The following SRSF11 variants were observed in gnomAD, a reference collection of about 807,000 sequenced individuals.
SRSF11 encodes serine and arginine rich splicing factor 11, also known as serine/arginine-rich splicing factor 11.
A neutral mutation model predicts 56.0 loss-of-function variants in SRSF11; 9 were observed. The observed-to-expected ratio is 0.16, with a 90% CI of 0.10 to 0.28. The LOEUF is 0.28. Ranked by LOEUF, SRSF11 falls within the 10% of genes least tolerant of loss-of-function variation. The probability of loss-of-function intolerance (pLI) is 1.00; values close to 1 mark genes in which losing one functional copy is unlikely to be tolerated. For synonymous variants in SRSF11, 222 were observed against 215.3 expected (o/e 1.03, Z -0.27); for missense variants, 421 against 600.7 (o/e 0.70, Z 3.13).
intron 1 of SRSF11, among the ~76,000 whole-genome samples, chr1:70,208,914 T>C (rs543232660): frequency 4.0e-4 from 61 of 152,334 alleles, no homozygotes; most frequent in Admixed American, 1.4e-3. Context: ...TTAGAAAAAT[T>C]GACTTTATAT....
At chr1:70,227,808 A>C (rs1672125304) in intron 1 of SRSF11, among the ~76,000 whole-genome samples, 1 of 152,188 alleles carries the variant, frequency 6.6e-6, no homozygotes, top group African/African-American at 2.4e-5. Context: ...CACTAGTGGA[A>C]CGTAGTACTA....
rs1048910192 is a variant in SRSF11 at position 70,231,254 on chromosome 1, A to T, written c.338-1014A>T. 2.8e-5 allele frequency: 33 copies of T among 1,197,410 alleles called. No individual in the cohort carries two copies. In the African/African-American group the frequency reaches 5.0e-4, roughly 18 times the overall value. 74.2% of individuals were successfully genotyped at this position (1,197,410 alleles called of 1,614,324 possible). ...TCTTAATATGTATTACAGAAATACT[A>T]CTGGTATTTGCAAATATGTAGTTTA... On this transcript the variant is annotated intron_variant, in intron 2 of 11. Transcript: ENST00000370949.
At chr1:70,235,788 T>C (rs1212398379) in intron 5 of SRSF11, among the ~76,000 whole-genome samples, 4 of 152,228 alleles carry the variant, frequency 2.6e-5, no homozygotes, top group African/African-American at 7.2e-5. Flanking sequence ...ACCTGGATGA[T>C]AGCAAAAGAG....
At chr1:70,226,989 G>T (rs888216350) in intron 1 of SRSF11, among the ~76,000 whole-genome samples, 2 of 152,166 alleles carry the variant, frequency 1.3e-5, no homozygotes, top group Admixed American at 1.3e-4. Flanking sequence ...TAACTTGCTT[G>T]TGGATATCCT....
chr1:70,237,964 T>C (rs952252275), intron 6 of SRSF11, among the ~76,000 whole-genome samples: 1 of 152,236 alleles, frequency 6.6e-6, no homozygotes, highest in African/African-American at 2.4e-5. Context: ...TTTAAAATGA[T>C]ATTTCTTTAA....
At chr1:70,232,149 C>G in intron 2 of SRSF11, 119 bp from the exon 3 acceptor site, 1 of 1,565,816 alleles carries the variant, frequency 6.4e-7, no homozygotes, top group South Asian at 1.2e-5. Context: ...TGTATTTTAG[C>G]GAACATAAGT....
intron 2 of SRSF11, chr1:70,232,035 C>A (rs952873905): frequency 6.6e-7 from 1 of 1,516,554 alleles, no homozygotes; most frequent in Admixed American, 2.2e-5. Flanking sequence ...TTTTTTTTTA[C>A]TCTAGAAACT....
At chr1:70,215,764 T>C (rs955187988) in intron 1 of SRSF11, among the ~76,000 whole-genome samples, 1 of 152,184 alleles carries the variant, frequency 6.6e-6, no homozygotes, top group African/African-American at 2.4e-5. Flanking sequence ...GTAGCGGGAT[T>C]ATGCATACCT....
At chr1:70,238,267 G>A (rs1333659774) in intron 6 of SRSF11, among the ~76,000 whole-genome samples, 2 of 152,148 alleles carry the variant, frequency 1.3e-5, no homozygotes, top group Non-Finnish European at 2.9e-5. Context: ...CTTTTAGATA[G>A]CACAGCCGGG....
Position 70,228,999 on chromosome 1 carries a change from A to G in SRSF11, c.337+444A>G, listed in dbSNP as rs63726761. ...AAGCTTCCTCACATTGATAATCTGG[A>G]AAAAAAAAAAACACATTGAATTTCA... On this transcript the variant is annotated intron_variant, in intron 2 of 11. Transcript: ENST00000370949. 29 of 446,642 alleles carry G rather than the reference A, an allele frequency of 6.5e-5. No individual in the cohort carries two copies. In the East Asian group the frequency reaches 7.0e-3, roughly 108 times the overall value. 27.7% of individuals were successfully genotyped at this position (446,642 alleles called of 1,614,324 possible). A position where few individuals can be genotyped will look rare whatever the true frequency, so the allele number is the denominator to read the frequency against.
Position 70,229,621 on chromosome 1 carries a change from G to A in SRSF11, c.337+1066G>A, listed in dbSNP as rs1054463626. 4 of 983,282 alleles carry A rather than the reference G, an allele frequency of 4.1e-6. No homozygotes were observed. The African/African-American group carries it at 7.0e-5, about 17-fold the overall frequency. 60.9% of individuals were successfully genotyped at this position (983,282 alleles called of 1,614,324 possible). On this transcript the variant is annotated intron_variant, in intron 2 of 11. Transcript: ENST00000370949. ...TTAATATGCTGACCAGGATTTAAATGCTTTCCCCTTTCCTTAATAAACTGG... is the reference window on the plus strand; with the variant it reads ...TTAATATGCTGACCAGGATTTAAATACTTTCCCCTTTCCTTAATAAACTGG...
intron 9 of SRSF11, chr1:70,247,265 T>G: frequency 3.9e-6 from 1 of 253,610 alleles, no homozygotes; most frequent in Non-Finnish European, 6.3e-6. Flanking sequence ...TACTTGAGAA[T>G]TTTTCTATCC....
Position 70,230,759 on chromosome 1 carries a change from AT to A in SRSF11, c.338-1505del, listed in dbSNP as rs1385281254. 13 of 1,172,674 alleles carry A rather than the reference AT, an allele frequency of 1.1e-5. No individual in the cohort carries two copies. In the African/African-American group the frequency reaches 2.0e-4, roughly 18 times the overall value. 72.6% of individuals were successfully genotyped at this position (1,172,674 alleles called of 1,614,324 possible). A position where few individuals can be genotyped will look rare whatever the true frequency, so the allele number is the denominator to read the frequency against. On this transcript the variant is annotated intron_variant, in intron 2 of 11. Coordinates refer to ENST00000370949, the MANE Select transcript of SRSF11 (RefSeq NM_001350605.2). ...GGTGTCTCACAATAAATTCAAGAGG[AT>A]TTTAGTTTGCCAGAAATGTTGCAAA... is the stretch of plus-strand genomic sequence containing the variant.
chr1:70,231,077 T>C, intron 2 of SRSF11: 1 of 1,289,678 alleles, frequency 7.8e-7, no homozygotes, highest in Non-Finnish European at 1.0e-6. Context: ...TTTTCTTTTT[T>C]GTTGTTGTGT....
chr1:70,246,834 G>T lies in SRSF11; in HGVS notation c.949G>T (p.Asp317Tyr). 6.2e-7 allele frequency: 1 copy of T among 1,608,334 alleles called. No individual in the cohort carries two copies. Among genetic ancestry groups the T allele is most frequent in the Non-Finnish European group, 8.5e-7 (1 of 1,177,572 alleles). Residue 317 changes from aspartate to tyrosine, a missense_variant, in exon 9 of 12, where the codon GAC (aspartate) becomes TAC (tyrosine). Asp to Tyr is a radical substitution (Grantham distance 160, BLOSUM62 -3). Transcript: ENST00000370949. ...ATTTGTTAGAGACAAAAAGAAAGAA[G>T]ACAAAGAAAAGAAACGTTCTAAAAC... ...TSKTRDKKKEDKEKKRSKTPP... is the reference protein window; with the variant it reads ...TSKTRDKKKEYKEKKRSKTPP...
upstream of SRSF11, among the ~76,000 whole-genome samples, chr1:70,217,098 TCACAA>T (rs755784437): frequency 1.3e-5 from 2 of 152,192 alleles, no homozygotes; most frequent in South Asian, 2.1e-4. Context: ...TTTCATTTCA[TCACAA>T]CACATTAGTC....
chr1:70,237,275 A>G, intron 5 of SRSF11, 150 bp from the exon 6 acceptor site: 1 of 873,702 alleles, frequency 1.1e-6, no homozygotes, highest in East Asian at 2.7e-5. Flanking sequence ...GCTATGCTAT[A>G]TGTTGTTTAC....
At chr1:70,237,133 T>A (rs2100830050) in intron 5 of SRSF11, among the ~76,000 whole-genome samples, 1 of 152,272 alleles carries the variant, frequency 6.6e-6, no homozygotes, top group South Asian at 2.1e-4. Context: ...ATCAGCATAT[T>A]TTCTTGTACT....
chr1:70,220,249 C>T (rs1186544443), upstream of SRSF11, among the ~76,000 whole-genome samples: 1 of 152,200 alleles, frequency 6.6e-6, no homozygotes, highest in East Asian at 1.9e-4. Flanking sequence ...GAATGCTCTA[C>T]AGAAGATGAC....
Sources: gnomAD v4.1 joint callset for allele counts (sites outside exome capture counted in the v4.1 genomes callset) on GRCh38, gnomAD v4.1.1 for gene constraint, MANE v1.5 for transcripts, NCBI Gene and HGNC (gene_info 2026-07-23, HGNC 2026-07-21) for gene names.